ROR1: variants seen among roughly 807,000 people sequenced by gnomAD.
ROR1 encodes ROR family WNT receptor 1, also known as inactive tyrosine-protein kinase transmembrane receptor ROR1.
In ROR1, 19 loss-of-function variants were observed where a neutral mutation model predicts 78.8. That is an observed-to-expected ratio of 0.24 (90% CI 0.17 to 0.35). The LOEUF (loss-of-function observed/expected upper bound fraction) is 0.35. ROR1 is among the 10% of genes least tolerant of loss of function. The probability of loss-of-function intolerance (pLI) is 1.00; values close to 1 mark genes in which losing one functional copy is unlikely to be tolerated. For synonymous variants in ROR1, 386 were observed against 433.6 expected (o/e 0.89, Z 1.36); for missense variants, 917 against 1,177.8 (o/e 0.78, Z 3.24).
chr1:63,854,780 A>G (rs1645138253), intron 1 of ROR1, among the ~76,000 whole-genome samples: 1 of 152,216 alleles, frequency 6.6e-6, no homozygotes, highest in South Asian at 2.1e-4. Flanking sequence ...GTCTCTTGGT[A>G]TCTGTGGCAC....
intron 1 of ROR1, among the ~76,000 whole-genome samples, chr1:63,982,549 G>A (rs1646218455): frequency 6.6e-6 from 1 of 152,262 alleles, no homozygotes; most frequent in Middle Eastern, 3.4e-3. Context: ...CCATTAGTAA[G>A]GTTTTGTTTT....
At chr1:63,796,518 G>T (rs1644761321) in intron 1 of ROR1, among the ~76,000 whole-genome samples, 1 of 152,094 alleles carries the variant, frequency 6.6e-6, no homozygotes, top group African/African-American at 2.4e-5. Flanking sequence ...ATTATTTTGT[G>T]TTTTTTTCCA....
At chr1:63,790,973 C>G (rs1291812302) in intron 1 of ROR1, among the ~76,000 whole-genome samples, 3 of 152,200 alleles carry the variant, frequency 2.0e-5, no homozygotes, top group African/African-American at 7.2e-5. Context: ...CTGCTTCAGG[C>G]TGGGACATCT....
chr1:64,173,104 T>A (rs147332511), intron 8 of ROR1, among the ~76,000 whole-genome samples: 1 of 152,362 alleles, frequency 6.6e-6, no homozygotes, highest in East Asian at 1.9e-4. Flanking sequence ...TGCAAATCAC[T>A]GTGGAAATTG....
intron 1 of ROR1, among the ~76,000 whole-genome samples, chr1:64,001,587 C>T (rs538164861): frequency 6.6e-6 from 1 of 152,230 alleles, no homozygotes; most frequent in Admixed American, 6.5e-5. Context: ...GGTCTTTACA[C>T]AGCTTTTGAT....
chr1:64,151,918 G>A (rs1033234024), intron 7 of ROR1, among the ~76,000 whole-genome samples: 1 of 150,108 alleles, frequency 6.7e-6, no homozygotes, highest in Non-Finnish European at 1.5e-5. Flanking sequence ...GCCTAAATAA[G>A]TTATTTCAAC....
chr1:64,065,998 T>C (rs1008424924), intron 4 of ROR1, among the ~76,000 whole-genome samples: 13 of 152,202 alleles, frequency 8.5e-5, no homozygotes, highest in Non-Finnish European at 7.3e-5. Context: ...GGTAAAGTCA[T>C]CCAGGTATAA....
At chr1:64,055,922 A>G (rs999230962) in intron 4 of ROR1, among the ~76,000 whole-genome samples, 1 of 152,204 alleles carries the variant, frequency 6.6e-6, no homozygotes, top group African/African-American at 2.4e-5. Context: ...ATATAAGTAG[A>G]ATCCGACAAT....
chr1:64,010,284 T>A (rs1646465322), intron 2 of ROR1, among the ~76,000 whole-genome samples: 1 of 152,116 alleles, frequency 6.6e-6, no homozygotes. Flanking sequence ...TCTCTTCACA[T>A]TTTCTATATG....
At chr1:63,967,223 T>C (rs1315320286) in intron 1 of ROR1, among the ~76,000 whole-genome samples, 1 of 152,184 alleles carries the variant, frequency 6.6e-6, no homozygotes, top group Non-Finnish European at 1.5e-5. Flanking sequence ...ATAGATTCTG[T>C]ATCCAATTGT....
intron 1 of ROR1, among the ~76,000 whole-genome samples, chr1:63,829,286 C>A (rs1280691799): frequency 6.6e-6 from 1 of 152,232 alleles, no homozygotes; most frequent in East Asian, 1.9e-4. Context: ...CAAATGTATT[C>A]ACTTATTTAT....
chr1:63,870,066 C>A (rs1645242018), intron 1 of ROR1, among the ~76,000 whole-genome samples: 1 of 152,172 alleles, frequency 6.6e-6, no homozygotes, highest in South Asian at 2.1e-4. Context: ...TGTGTGTGGG[C>A]TCACCATTTG....
intron 7 of ROR1, among the ~76,000 whole-genome samples, chr1:64,152,121 T>A (rs1649645219): frequency 2.0e-5 from 3 of 152,232 alleles, no homozygotes; most frequent in Admixed American, 6.5e-5. Flanking sequence ...TGATTTTTTT[T>A]AAATGTTGGC....
At chr1:63,994,181 C>T (rs1023661367) in intron 1 of ROR1, among the ~76,000 whole-genome samples, 3 of 152,138 alleles carry the variant, frequency 2.0e-5, no homozygotes, top group Admixed American at 1.3e-4. Context: ...CCTTTGTCCA[C>T]TTATCTATTT....
intron 1 of ROR1, among the ~76,000 whole-genome samples, chr1:63,879,463 G>A (rs1212242782): frequency 2.0e-5 from 3 of 152,130 alleles, no homozygotes; most frequent in Non-Finnish European, 2.9e-5. Context: ...GATGAGGGCC[G>A]ATGCCACAGA....
At chr1:64,038,409 A>T (rs1351826906) in intron 2 of ROR1, among the ~76,000 whole-genome samples, 1 of 152,088 alleles carries the variant, frequency 6.6e-6, no homozygotes, top group Admixed American at 6.6e-5. Flanking sequence ...CAGCATCTTG[A>T]CCACACACTT....
intron 7 of ROR1, among the ~76,000 whole-genome samples, chr1:64,144,914 T>C (rs1034248135): frequency 6.6e-6 from 1 of 152,206 alleles, no homozygotes; most frequent in Non-Finnish European, 1.5e-5. Context: ...TTCAATGAAA[T>C]AGCTGTGTGC....
chr1:64,087,108 A>G (rs1647161322), intron 4 of ROR1, among the ~76,000 whole-genome samples: 1 of 152,208 alleles, frequency 6.6e-6, no homozygotes, highest in East Asian at 1.9e-4. Context: ...CATAAGGTGA[A>G]TTTAATACCA....
At chr1:64,174,449 C>T (rs1471550850) in intron 8 of ROR1, among the ~76,000 whole-genome samples, 2 of 152,148 alleles carry the variant, frequency 1.3e-5, no homozygotes, top group Non-Finnish European at 2.9e-5. Context: ...GTCCAAAGCT[C>T]ACTTAGTTTG....
Sources: gnomAD v4.1 joint callset for allele counts (sites outside exome capture counted in the v4.1 genomes callset) on GRCh38, gnomAD v4.1.1 for gene constraint, MANE v1.5 for transcripts, NCBI Gene and HGNC (gene_info 2026-07-23, HGNC 2026-07-21) for gene names.